Variants in MEI4 observed in about 807,000 individuals in gnomAD.
MEI4 encodes the protein meiosis-specific protein MEI4.
MEI4 carries 27 observed loss-of-function variants against 31.4 expected under a neutral mutation model. The observed-to-expected ratio is 0.86, with a 90% CI of 0.63 to 1.19. The LOEUF (loss-of-function observed/expected upper bound fraction) is 1.19, where lower values mean the gene tolerates loss of function less well. Ranked by LOEUF, MEI4 falls within the 50% of genes most tolerant of loss-of-function variation. The probability of loss-of-function intolerance (pLI) is 0.00; values close to 1 mark genes in which losing one functional copy is unlikely to be tolerated. For missense variants in MEI4, 329 were observed against 398.9 expected, an observed-to-expected ratio of 0.82 and a Z score of 1.49; for synonymous variants, 122 against 145.4, an observed-to-expected ratio of 0.84 and a Z score of 1.16.
At chr6:77,763,948 G>A (rs139956252) in intron 3 of MEI4, among the ~76,000 whole-genome samples, 2,283 of 152,128 alleles carry the variant, frequency 0.015, 24 homozygotes, top group Non-Finnish European at 0.022. Context: ...CTAGTAACTG[G>A]GACTACAGGT....
chr6:77,682,846 A>C (rs1020532777), intron 1 of MEI4, among the ~76,000 whole-genome samples: 5 of 152,160 alleles, frequency 3.3e-5, no homozygotes, highest in African/African-American at 1.2e-4. Context: ...CAGAAAAGGC[A>C]TTCAGAGGAA....
At chr6:77,822,184 GA>G (rs1383979888) in intron 3 of MEI4, among the ~76,000 whole-genome samples, 15 of 152,008 alleles carry the variant, frequency 9.9e-5, no homozygotes, top group Non-Finnish European at 1.8e-4. Flanking sequence ...TCAAATTCTG[GA>G]AATAAGGCAA....
chr6:77,917,543 G>T (rs1581979895), intron 4 of MEI4, among the ~76,000 whole-genome samples: 1 of 136,364 alleles, frequency 7.3e-6, no homozygotes, highest in African/African-American at 2.9e-5. Context: ...ATTTTTTCAT[G>T]TGTTTTTTGG....
chr6:77,777,341 C>T (rs1768477615), intron 3 of MEI4, among the ~76,000 whole-genome samples: 1 of 152,068 alleles, frequency 6.6e-6, no homozygotes, highest in African/African-American at 2.4e-5. Context: ...TACTAGTTAC[C>T]TCTGGAAGAG....
chr6:77,691,779 A>T (rs1270833729), intron 2 of MEI4, among the ~76,000 whole-genome samples: 1 of 151,988 alleles, frequency 6.6e-6, no homozygotes, highest in African/African-American at 2.4e-5. Context: ...TAATAATTAC[A>T]CTGGGAACAC....
chr6:77,762,947 T>C (rs1030344243), intron 3 of MEI4, among the ~76,000 whole-genome samples: 1 of 152,172 alleles, frequency 6.6e-6, no homozygotes, highest in Non-Finnish European at 1.5e-5. Context: ...CTTCTTTTTA[T>C]ACTTTTGCTT....
At chr6:77,831,522 T>C (rs1222066472) in intron 4 of MEI4, among the ~76,000 whole-genome samples, 1 of 150,812 alleles carries the variant, frequency 6.6e-6, no homozygotes, top group Non-Finnish European at 1.5e-5. Context: ...TATATATATA[T>C]ATACCAAATA....
intron 4 of MEI4, among the ~76,000 whole-genome samples, chr6:77,861,327 G>A (rs1770861541): frequency 6.6e-6 from 1 of 152,164 alleles, no homozygotes; most frequent in Non-Finnish European, 1.5e-5. Flanking sequence ...CTAAAAGCTT[G>A]ATAAAGTTTG....
chr6:77,719,344 C>T (rs2127662992), intron 2 of MEI4, among the ~76,000 whole-genome samples: 1 of 135,690 alleles, frequency 7.4e-6, no homozygotes, highest in East Asian at 2.1e-4. Context: ...AATAATTTAC[C>T]CGTGGCCTGA....
intron 4 of MEI4, among the ~76,000 whole-genome samples, chr6:77,865,942 C>T (rs920761885): frequency 9.3e-4 from 141 of 152,164 alleles, no homozygotes; most frequent in African/African-American, 3.1e-3. Flanking sequence ...AAGCAATAAA[C>T]GTAATCCAGC....
At chr6:77,899,333 C>T (rs1270472936) in intron 4 of MEI4, among the ~76,000 whole-genome samples, 1 of 151,978 alleles carries the variant, frequency 6.6e-6, no homozygotes, top group Non-Finnish European at 1.5e-5. Context: ...ATGGATATGG[C>T]TTACTATCTG....
chr6:77,689,025 G>A (rs1582024910), intron 1 of MEI4, among the ~76,000 whole-genome samples: 1 of 151,962 alleles, frequency 6.6e-6, no homozygotes, highest in Non-Finnish European at 1.5e-5. Flanking sequence ...ATACAAAGCT[G>A]TGTACTTTGA....
At chr6:77,868,080 T>G (rs1256044768) in intron 4 of MEI4, among the ~76,000 whole-genome samples, 3 of 141,302 alleles carry the variant, frequency 2.1e-5, no homozygotes, top group African/African-American at 2.7e-5. Context: ...GGGTGAGGGG[T>G]GGGAGGAGGG....
At chr6:77,651,249 A>C (rs1052128161), upstream of MEI4, among the ~76,000 whole-genome samples, 2 of 152,192 alleles carry the variant, frequency 1.3e-5, no homozygotes, top group African/African-American at 4.8e-5. Flanking sequence ...GCTTGTTAAG[A>C]ATAAAGGCAG....
At chr6:77,788,490 A>G (rs924545753) in intron 3 of MEI4, among the ~76,000 whole-genome samples, 1 of 152,210 alleles carries the variant, frequency 6.6e-6, no homozygotes, top group Non-Finnish European at 1.5e-5. Context: ...ACTTGATTGT[A>G]TATCTAGAAA....
intron 4 of MEI4, among the ~76,000 whole-genome samples, chr6:77,878,050 T>C (rs553478399): frequency 1.5e-4 from 23 of 152,178 alleles, no homozygotes; most frequent in African/African-American, 5.3e-4. Context: ...ATTAGTAATA[T>C]AATGTGCCAA....
intron 4 of MEI4, among the ~76,000 whole-genome samples, chr6:77,876,907 G>C (rs1771354807): frequency 6.6e-6 from 1 of 151,932 alleles, no homozygotes. Context: ...AAGATATGAA[G>C]GAAAAGGAGG....
intron 4 of MEI4, among the ~76,000 whole-genome samples, chr6:77,876,366 C>A (rs544109133): frequency 1.3e-5 from 2 of 152,166 alleles, no homozygotes; most frequent in African/African-American, 2.4e-5. Context: ...GGAGTGAGTT[C>A]TTGATTAAAG....
intron 2 of MEI4, among the ~76,000 whole-genome samples, chr6:77,741,143 G>A (rs914207197): frequency 1.3e-5 from 2 of 152,160 alleles, no homozygotes; most frequent in South Asian, 2.1e-4. Flanking sequence ...AACCTGTGCA[G>A]TTATGTTAAT....
Sources: allele counts gnomAD v4.1 joint callset (sites outside exome capture counted in the v4.1 genomes callset), GRCh38; gene constraint gnomAD v4.1.1; transcripts MANE v1.5; gene names NCBI Gene and HGNC (gene_info 2026-07-23, HGNC 2026-07-21).